The following CACNA2D3 variants were observed in gnomAD, a reference collection of about 807,000 sequenced individuals.
CACNA2D3 encodes calcium voltage-gated channel auxiliary subunit alpha2delta 3.
Under a neutral mutation model 160.6 loss-of-function variants are expected in CACNA2D3, and 60 were observed. The ratio of observed to expected loss-of-function variants is 0.37; its 90% CI spans 0.30 to 0.46. The LOEUF (loss-of-function observed/expected upper bound fraction) is 0.46. Among genes scored for constraint, CACNA2D3 ranks in the 20% least tolerant of loss-of-function variants. The pLI is 1.00. For missense variants in CACNA2D3, 1,205 were observed against 1,365.0 expected, an observed-to-expected ratio of 0.88 and a Z score of 1.85; for synonymous variants, 558 against 492.9, an observed-to-expected ratio of 1.13 and a Z score of -1.75.
chr3:54,674,612 G>T (rs1371485029), intron 11 of CACNA2D3, among the ~76,000 whole-genome samples: 1 of 152,164 alleles, frequency 6.6e-6, no homozygotes, highest in African/African-American at 2.4e-5. Flanking sequence ...GGTTTAAAGG[G>T]TTGGGGTTCA....
intron 4 of CACNA2D3, among the ~76,000 whole-genome samples, chr3:54,461,077 T>C (rs1001084136): frequency 6.6e-6 from 1 of 152,072 alleles, no homozygotes; most frequent in Non-Finnish European, 1.5e-5. Context: ...CTGGATTACA[T>C]TTATTGATTT....
At chr3:54,519,956 A>G (rs570822182) in intron 5 of CACNA2D3, among the ~76,000 whole-genome samples, 1 of 152,390 alleles carries the variant, frequency 6.6e-6, no homozygotes, top group African/African-American at 2.4e-5. Context: ...CCAGCCAAGA[A>G]GTGAAGCAAA....
intron 3 of CACNA2D3, among the ~76,000 whole-genome samples, chr3:54,360,790 C>T (rs1259826231): frequency 6.6e-6 from 1 of 151,930 alleles, no homozygotes; most frequent in Admixed American, 6.6e-5. Context: ...AAATATGTGC[C>T]CTGAAAAGTA....
intron 3 of CACNA2D3, among the ~76,000 whole-genome samples, chr3:54,379,972 A>G (rs1337227588): frequency 6.6e-6 from 1 of 152,026 alleles, no homozygotes; most frequent in Non-Finnish European, 1.5e-5. Context: ...TAATTGCTCT[A>G]GCTACAAAGC....
chr3:54,960,485 A>G (rs564035262), intron 27 of CACNA2D3, among the ~76,000 whole-genome samples: 2 of 151,816 alleles, frequency 1.3e-5, no homozygotes, highest in East Asian at 3.9e-4. Context: ...TGCTGTGAGA[A>G]TTTTTTTTTC....
intron 4 of CACNA2D3, among the ~76,000 whole-genome samples, chr3:54,393,168 C>G (rs1010204773): frequency 1.3e-5 from 2 of 152,208 alleles, no homozygotes; most frequent in South Asian, 4.1e-4. Flanking sequence ...GGAGTTACTT[C>G]TCCCTGTGGA....
intron 2 of CACNA2D3, among the ~76,000 whole-genome samples, chr3:54,185,020 G>C (rs1700856529): frequency 6.6e-6 from 1 of 152,224 alleles, no homozygotes; most frequent in African/African-American, 2.4e-5. Context: ...CTGTGCCTTA[G>C]AAGTGGGAGG....
intron 11 of CACNA2D3, among the ~76,000 whole-genome samples, chr3:54,746,920 A>G (rs1374442789): frequency 1.3e-5 from 2 of 152,148 alleles, no homozygotes; most frequent in Non-Finnish European, 2.9e-5. Context: ...CCTGCTTGCC[A>G]AGTCTGGCTG....
chr3:54,168,004 T>A (rs1262904874), intron 2 of CACNA2D3, among the ~76,000 whole-genome samples: 2 of 152,240 alleles, frequency 1.3e-5, no homozygotes, highest in Non-Finnish European at 2.9e-5. Flanking sequence ...CAGTCCACTG[T>A]CTTCTCATTT....
chr3:54,322,081 G>T (rs1351991614), intron 3 of CACNA2D3, among the ~76,000 whole-genome samples: 4 of 152,240 alleles, frequency 2.6e-5, no homozygotes. Flanking sequence ...TAGCCCTGGT[G>T]CCTGGAATTA....
intron 11 of CACNA2D3, among the ~76,000 whole-genome samples, chr3:54,681,683 T>C (rs374483556): frequency 1.5e-4 from 23 of 152,040 alleles, no homozygotes; most frequent in Non-Finnish European, 3.2e-4. Flanking sequence ...GTGATGCAAG[T>C]TTTTTGTTTT....
At chr3:54,912,374 C>T (rs1700575981) in intron 27 of CACNA2D3, among the ~76,000 whole-genome samples, 1 of 152,146 alleles carries the variant, frequency 6.6e-6, no homozygotes, top group African/African-American at 2.4e-5. Context: ...ATCCTAAAAG[C>T]ACCTGCCACA....
intron 2 of CACNA2D3, among the ~76,000 whole-genome samples, chr3:54,270,047 C>T (rs1363910382): frequency 6.6e-6 from 1 of 152,156 alleles, no homozygotes; most frequent in African/African-American, 2.4e-5. Flanking sequence ...TGGGTTTGAG[C>T]ATGGAAAAAG....
At chr3:54,279,488 A>G (rs1702821597) in intron 2 of CACNA2D3, among the ~76,000 whole-genome samples, 1 of 152,178 alleles carries the variant, frequency 6.6e-6, no homozygotes, top group African/African-American at 2.4e-5. Flanking sequence ...CGCTCTTCCC[A>G]GAGATGACCT....
chr3:54,178,717 G>C (rs1197495592), intron 2 of CACNA2D3, among the ~76,000 whole-genome samples: 2 of 152,174 alleles, frequency 1.3e-5, no homozygotes, highest in Non-Finnish European at 2.9e-5. Context: ...GAAATAATCT[G>C]TCAAAATAAA....
intron 2 of CACNA2D3, among the ~76,000 whole-genome samples, chr3:54,204,817 A>G (rs1445231308): frequency 1.0e-4 from 15 of 143,380 alleles, no homozygotes; most frequent in African/African-American, 2.9e-4. Flanking sequence ...AAAAAAAAAA[A>G]AAAGAAAAAG....
chr3:54,219,064 C>T (rs1461796275), intron 2 of CACNA2D3, among the ~76,000 whole-genome samples: 2 of 152,216 alleles, frequency 1.3e-5, no homozygotes, highest in Non-Finnish European at 2.9e-5. Flanking sequence ...GTGCCCTCCA[C>T]AGTTAGTGAC....
intron 6 of CACNA2D3, among the ~76,000 whole-genome samples, chr3:54,569,444 C>CCG (rs1702459876): frequency 6.6e-6 from 1 of 152,076 alleles, no homozygotes; most frequent in African/African-American, 2.4e-5. Flanking sequence ...GGATGATCCC[C>CCG]CCAGGTGCAA....
chr3:54,248,265 G>A (rs956711664), intron 2 of CACNA2D3, among the ~76,000 whole-genome samples: 4 of 152,076 alleles, frequency 2.6e-5, no homozygotes, highest in African/African-American at 9.7e-5. Flanking sequence ...TGGATCTCCT[G>A]AGGTCAGGAG....
Sources: gnomAD v4.1 joint callset for allele counts (sites outside exome capture counted in the v4.1 genomes callset) on GRCh38, gnomAD v4.1.1 for gene constraint, MANE v1.5 for transcripts, NCBI Gene and HGNC (gene_info 2026-07-23, HGNC 2026-07-21) for gene names.